Variants in DEPDC5 observed in about 807,000 individuals in gnomAD.
DEPDC5 encodes the protein GATOR1 complex protein DEPDC5.
DEPDC5 carries 73 observed loss-of-function variants against 217.3 expected under a neutral mutation model. The observed-to-expected ratio is 0.34, with a 90% CI of 0.28 to 0.41. The LOEUF (loss-of-function observed/expected upper bound fraction) is 0.41, where lower values mean the gene tolerates loss of function less well. Among genes scored for constraint, DEPDC5 ranks in the 10% least tolerant of loss-of-function variants. The probability of loss-of-function intolerance (pLI) is 1.00; values close to 1 mark genes in which losing one functional copy is unlikely to be tolerated. For synonymous variants in DEPDC5, 733 were observed against 756.7 expected, an observed-to-expected ratio of 0.97 and a Z score of 0.51; for missense variants, 1,675 against 2,070.1, an observed-to-expected ratio of 0.81 and a Z score of 3.70.
intron 4 of DEPDC5, 85 bp downstream of exon 4, chr22:31,760,787 GA>G (rs1323655267): frequency 1.8e-6 from 2 of 1,114,496 alleles, no homozygotes; most frequent in African/African-American, 3.2e-5. Context: ...TTCAAGGGAT[GA>G]GGGCAAGTAA....
At chr22:31,899,825 ACCT>A (rs1207342735) in intron 40 of DEPDC5, among the ~76,000 whole-genome samples, 1 of 151,880 alleles carries the variant, frequency 6.6e-6, no homozygotes, top group Non-Finnish European at 1.5e-5. Context: ...AGGCCTCAGC[ACCT>A]CCTCCCTGAG....
intron 24 of DEPDC5, among the ~76,000 whole-genome samples, chr22:31,824,202 C>G (rs895767068): frequency 6.6e-6 from 1 of 152,016 alleles, no homozygotes; most frequent in African/African-American, 2.4e-5. Flanking sequence ...AAAAATTAGC[C>G]AGGTGTGGTG....
At chr22:31,837,298 C>T (rs1028587801) in intron 26 of DEPDC5, 143 bp downstream of exon 26, 17 of 740,128 alleles carry the variant, frequency 2.3e-5, no homozygotes, top group African/African-American at 3.7e-5. Flanking sequence ...TTAGCATGGC[C>T]GTTAAATAAA....
chr22:31,825,865 T>C (rs762406427), intron 24 of DEPDC5, among the ~76,000 whole-genome samples: 17 of 152,116 alleles, frequency 1.1e-4, no homozygotes, highest in Non-Finnish European at 2.9e-5. Context: ...CTCTTCCACA[T>C]GGTACTGCAG....
Position 31,802,694 on chromosome 22 carries a change from T to G in DEPDC5, c.947-10T>G, listed in dbSNP as rs779780559. 1.3e-6 allele frequency: 2 copies of G among 1,531,256 alleles called. No homozygotes were observed. The highest frequency in any genetic ancestry group is 1.8e-6 in the Non-Finnish European group (2 of 1,136,404). 94.9% of individuals were successfully genotyped at this position (1,531,256 alleles called of 1,614,324 possible). ...ACATCATTATTGTGGAATTTTTGTT[T>G]TATTTCTAGTGTTTGATAAGCACTA... On this transcript the variant is annotated splice_polypyrimidine_tract_variant and intron_variant, in intron 14 of 42. Coordinates refer to ENST00000651528, the MANE Select transcript of DEPDC5 (RefSeq NM_001242896.3).
At chr22:31,800,020 C>T (rs2086706124) in intron 14 of DEPDC5, among the ~76,000 whole-genome samples, 1 of 151,694 alleles carries the variant, frequency 6.6e-6, no homozygotes, top group Admixed American at 6.6e-5. Flanking sequence ...TCAGGATGGT[C>T]TCGATCTCCT....
chr22:31,893,482 CA>C (rs1336789522), intron 38 of DEPDC5, 99 bp from the exon 39 acceptor site: 2 of 1,194,522 alleles, frequency 1.7e-6, no homozygotes, highest in African/African-American at 3.2e-5. Flanking sequence ...TTCTTTTAGG[CA>C]CTTGTATATA....
At chr22:31,904,631 T>A (rs1260819288) in intron 41 of DEPDC5, among the ~76,000 whole-genome samples, 1 of 152,136 alleles carries the variant, frequency 6.6e-6, no homozygotes, top group Non-Finnish European at 1.5e-5. Flanking sequence ...TAATCCTAGC[T>A]ACTTGGGAGG....
At chr22:31,871,141 C>G (rs2092831410) in intron 34 of DEPDC5, among the ~76,000 whole-genome samples, 1 of 152,064 alleles carries the variant, frequency 6.6e-6, no homozygotes, top group Non-Finnish European at 1.5e-5. Context: ...CATGACTGTT[C>G]TTCTTCTATT....
chr22:31,776,613 G>A (rs1782226320), intron 7 of DEPDC5, among the ~76,000 whole-genome samples: 1 of 99,584 alleles, frequency 1.0e-5, no homozygotes, highest in Non-Finnish European at 1.8e-5. Context: ...TTGTGCTCTT[G>A]TTGCCCAGGC....
chr22:31,783,418 C>A (rs1057110834), intron 8 of DEPDC5, among the ~76,000 whole-genome samples: 3 of 152,154 alleles, frequency 2.0e-5, no homozygotes, highest in Admixed American at 2.0e-4. Flanking sequence ...GAAGGAACCA[C>A]CTCCGGACAC....
At chr22:31,784,897 A>C in intron 10 of DEPDC5, 22 bp downstream of exon 10, 4 of 1,601,020 alleles carry the variant, frequency 2.5e-6, no homozygotes, top group Non-Finnish European at 3.4e-6. Flanking sequence ...CTTACACACT[A>C]AGTCTCATTA....
chr22:31,853,040 T>C (rs1210580550), intron 31 of DEPDC5: 1 of 152,286 alleles, frequency 6.6e-6, no homozygotes, highest in African/African-American at 2.4e-5. Flanking sequence ...TTGGGTTTGT[T>C]ACTGAGGGCA....
intron 9 of DEPDC5, 71 bp from the exon 10 acceptor site, chr22:31,784,743 G>C: frequency 6.9e-7 from 1 of 1,449,430 alleles, no homozygotes; most frequent in Non-Finnish European, 9.6e-7. Flanking sequence ...GAAGAAATTA[G>C]AGAAGAAATT....
At chr22:31,842,506 T>C (rs891326326) in intron 27 of DEPDC5, among the ~76,000 whole-genome samples, 3 of 133,104 alleles carry the variant, frequency 2.3e-5, no homozygotes, top group Admixed American at 9.1e-5. Context: ...ACCCAGGAGG[T>C]GGAGGTTGCA....
At chr22:31,784,921 C>A in intron 10 of DEPDC5, 46 bp downstream of exon 10, 1 of 1,543,066 alleles carries the variant, frequency 6.5e-7, no homozygotes, top group South Asian at 1.2e-5. Flanking sequence ...AAACATTACT[C>A]AATCAGATTT....
chr22:31,783,997 A>G lies in DEPDC5; in HGVS notation c.562+12A>G, dbSNP rs772335186. ...TTTTGATATTTATGGTACTGTGTCT[A>G]TGTGCTGATTGTAACTGCTAAGGGG... On this transcript the variant is annotated intron_variant, in intron 9 of 42. Coordinates refer to ENST00000651528, the MANE Select transcript of DEPDC5 (RefSeq NM_001242896.3). 3 of 1,609,614 alleles carry G rather than the reference A, an allele frequency of 1.9e-6. No individual in the cohort carries two copies. The Admixed American group carries it at 5.1e-5, about 27-fold the overall frequency.
At chr22:31,890,682 C>T (rs1325162041) in intron 38 of DEPDC5, among the ~76,000 whole-genome samples, 1 of 148,542 alleles carries the variant, frequency 6.7e-6, no homozygotes, top group Non-Finnish European at 1.5e-5. Context: ...GCACTCCAGC[C>T]TGGGCAACAA....
intron 33 of DEPDC5, among the ~76,000 whole-genome samples, chr22:31,868,165 G>A (rs1312415869): frequency 6.6e-6 from 1 of 152,076 alleles, no homozygotes; most frequent in Non-Finnish European, 1.5e-5. Context: ...AAATCATTGA[G>A]CCTGCTATAG....
Sources: gnomAD v4.1 joint callset for allele counts (sites outside exome capture counted in the v4.1 genomes callset) on GRCh38, gnomAD v4.1.1 for gene constraint, MANE v1.5 for transcripts, NCBI Gene and HGNC (gene_info 2026-07-23, HGNC 2026-07-21) for gene names.